Variants in PPP4R3B observed in about 807,000 individuals in gnomAD.
PPP4R3B encodes protein phosphatase 4 regulatory subunit 3B.
A neutral mutation model predicts 95.4 loss-of-function variants in PPP4R3B; 52 were observed. The ratio of observed to expected loss-of-function variants is 0.54; its 90% CI spans 0.44 to 0.69. The LOEUF (loss-of-function observed/expected upper bound fraction) is 0.69. Among genes scored for constraint, PPP4R3B ranks in the 30% least tolerant of loss-of-function variants. The probability of loss-of-function intolerance (pLI) is 0.00; values close to 1 mark genes in which losing one functional copy is unlikely to be tolerated. For synonymous variants in PPP4R3B, 407 were observed against 343.9 expected (o/e 1.18, Z -2.03); for missense variants, 1,003 against 1,005.9 (o/e 1.00, Z 0.04).
At chr2:55,558,717 A>G in intron 16 of PPP4R3B, 58 bp downstream of exon 16, 1 of 1,306,308 alleles carries the variant, frequency 7.7e-7, no homozygotes, top group South Asian at 1.9e-5. Context: ...TTCAGTAAAC[A>G]TGAAAAAATC....
At chr2:55,574,816 G>C (rs776996366) in intron 11 of PPP4R3B, among the ~76,000 whole-genome samples, 1 of 151,342 alleles carries the variant, frequency 6.6e-6, no homozygotes, top group Non-Finnish European at 1.5e-5. Context: ...GGATGGTCTC[G>C]ATCTCCTGAC....
At chr2:55,611,056 C>T (rs1209963295) in intron 2 of PPP4R3B, among the ~76,000 whole-genome samples, 1 of 152,060 alleles carries the variant, frequency 6.6e-6, no homozygotes, top group Non-Finnish European at 1.5e-5. Context: ...CAGTGAGAGT[C>T]TCAGTATGTT....
chr2:55,585,347 T>C (rs1015504581), intron 6 of PPP4R3B, among the ~76,000 whole-genome samples, 180 bp from the exon 7 acceptor site: 1 of 152,218 alleles, frequency 6.6e-6, no homozygotes, highest in Non-Finnish European at 1.5e-5. Flanking sequence ...TATTAAAACT[T>C]TCAGGCAATT....
intron 10 of PPP4R3B, 29 bp downstream of exon 10, chr2:55,578,218 A>T (rs1267841297): frequency 1.5e-6 from 2 of 1,368,298 alleles, no homozygotes; most frequent in Non-Finnish European, 1.9e-6. Context: ...AAGTAAATAT[A>T]GGAGTGATAC....
At chr2:55,559,218 T>C (rs891466551) in intron 15 of PPP4R3B, among the ~76,000 whole-genome samples, 22 of 151,784 alleles carry the variant, frequency 1.4e-4, no homozygotes, top group African/African-American at 4.6e-4. Context: ...TGGTGGCGCA[T>C]GTCTATAATC....
intron 4 of PPP4R3B, among the ~76,000 whole-genome samples, chr2:55,597,239 C>G (rs1005455663): frequency 2.0e-5 from 3 of 152,128 alleles, no homozygotes; most frequent in Non-Finnish European, 4.4e-5. Context: ...GTAATCCAAG[C>G]ACTTTGGGAG....
At position 55,568,262 on chromosome 2, in the gene PPP4R3B, G is replaced by T; in HGVS notation, c.1867C>A (p.Leu623Met). Residue 623 changes from leucine (L) to methionine (M), a missense_variant, in exon 13 of 17, where the codon CTG (leucine) becomes ATG (methionine). Transcript: ENST00000616407. Reference protein sequence around the residue: ...NLFEPVINALLDNGTRYNLLN... With the variant: ...NLFEPVINALMDNGTRYNLLN... ...AGATTATACCGAGTTCCATTATCCA[G>T]AAGTGCATTTATAACTGGCTCAAAA... The T allele has an allele frequency of 6.2e-7, 1 of 1,610,538 alleles. No individual in the cohort carries two copies. Among genetic ancestry groups the T allele is most frequent in the Non-Finnish European group, 8.5e-7 (1 of 1,178,316 alleles).
Position 55,548,314 on chromosome 2 carries a change from A to C in PPP4R3B, c.*1597T>G, listed in dbSNP as rs1364193797. The C allele has an allele frequency of 1.3e-5, 2 of 152,666 alleles. No individual in the cohort carries two copies. Among genetic ancestry groups the C allele is most frequent in the South Asian group, 2.1e-4 (1 of 4,830 alleles). 9.5% of individuals were successfully genotyped at this position (152,666 alleles called of 1,614,324 possible). A position where few individuals can be genotyped will look rare whatever the true frequency, so the allele number is the denominator to read the frequency against. On this transcript the variant is annotated 3_prime_UTR_variant, in exon 17 of 17. Coordinates refer to ENST00000616407, the MANE Select transcript of PPP4R3B (RefSeq NM_001122964.3). Reference sequence around the variant, plus strand: ...TATTGGCTTTTAAAAGATACTGTAAAATTGACATATCTCAAAATGGAGTTA... The same window carrying C: ...TATTGGCTTTTAAAAGATACTGTAACATTGACATATCTCAAAATGGAGTTA...
intron 5 of PPP4R3B, among the ~76,000 whole-genome samples, chr2:55,587,187 T>C (rs1366455463): frequency 1.3e-5 from 2 of 152,270 alleles, no homozygotes; most frequent in Non-Finnish European, 2.9e-5. Flanking sequence ...TGGATTTGCC[T>C]ATTGGTCTAT....
intron 4 of PPP4R3B, among the ~76,000 whole-genome samples, chr2:55,595,804 C>A (rs1424845243): frequency 1.3e-5 from 2 of 151,430 alleles, no homozygotes; most frequent in African/African-American, 4.9e-5. Context: ...CTCATAAATG[C>A]CTGTAAGAGG....
In PPP4R3B at chr2:55,558,702, T is replaced by C. The variant is rs1009730618; in HGVS notation, c.2454+73A>G. 6.6e-6 allele frequency: 8 copies of C among 1,211,518 alleles called. No individual in the cohort carries two copies. In the East Asian group the frequency reaches 1.3e-4, roughly 19 times the overall value. The allele number at this position is 1,211,518 out of a possible 1,614,324, so 75.0% of individuals were successfully genotyped here. On this transcript the variant is annotated intron_variant, in intron 16 of 16. Coordinates refer to ENST00000616407, the MANE Select transcript of PPP4R3B (RefSeq NM_001122964.3). ...ATTGAAATTGTTTTGATTATCCAAA[T>C]TTTTTTCAGTAAACATGAAAAAATC... is the stretch of plus-strand genomic sequence containing the variant.
chr2:55,598,722 A>G lies in PPP4R3B; in HGVS notation c.615T>C (p.Asn205=). The G allele has an allele frequency of 6.2e-7, 1 of 1,614,248 alleles. No individual in the cohort carries two copies. Among genetic ancestry groups the G allele is most frequent in the Non-Finnish European group, 8.5e-7 (1 of 1,180,048 alleles). Residue 205 remains asparagine (N), a synonymous_variant, in exon 4 of 17, where the codon AAT becomes AAC. Transcript: ENST00000616407. ...YEIIRGILFL[N]KATLFEVMFS... is the part of the protein sequence containing the mutation. The stretch of plus-strand genomic sequence containing the variant: ...ACATTACCTCAAAAAGAGTTGCCTT[A>G]TTTAGGAATAAGATTCCTCTAATAA...
In PPP4R3B at chr2:55,549,786, T is replaced by C. The variant is rs564100138; in HGVS notation, c.*125A>G. The C allele has an allele frequency of 2.3e-5, 17 of 739,458 alleles. No individual in the cohort carries two copies. Among genetic ancestry groups the C allele is most frequent in the Non-Finnish European group, 2.1e-5 (9 of 429,172 alleles). 45.8% of individuals were successfully genotyped at this position (739,458 alleles called of 1,614,324 possible). The stretch of plus-strand genomic sequence containing the variant: ...AACTAAACTCTCTTAGCTGATATAC[T>C]GTCTTTTGCTACTCCTTGTATATTT... On this transcript the variant is annotated 3_prime_UTR_variant, in exon 17 of 17. Coordinates refer to ENST00000616407, the MANE Select transcript of PPP4R3B (RefSeq NM_001122964.3).
At chr2:55,608,984 C>A (rs1407260302) in intron 2 of PPP4R3B, among the ~76,000 whole-genome samples, 1 of 152,076 alleles carries the variant, frequency 6.6e-6, no homozygotes, top group South Asian at 2.1e-4. Context: ...AAACCACCGC[C>A]CTGCCTCCAA....
chr2:55,602,950 G>A (rs1036513033), intron 3 of PPP4R3B, among the ~76,000 whole-genome samples: 5 of 151,706 alleles, frequency 3.3e-5, no homozygotes, highest in African/African-American at 1.2e-4. Context: ...AAATTTCTAG[G>A]ACGAATACTC....
chr2:55,548,321 A>G lies in PPP4R3B; in HGVS notation c.*1590T>C, dbSNP rs1429778596. The G allele has an allele frequency of 2.0e-5, 3 of 152,650 alleles. No individual in the cohort carries two copies. Among genetic ancestry groups the G allele is most frequent in the Admixed American group, 1.3e-4 (2 of 15,282 alleles). 9.5% of individuals were successfully genotyped at this position (152,650 alleles called of 1,614,324 possible). ...TTTTAAAAGATACTGTAAAATTGAC[A>G]TATCTCAAAATGGAGTTAATTTATA... On this transcript the variant is annotated 3_prime_UTR_variant, in exon 17 of 17. Transcript: ENST00000616407.
intron 15 of PPP4R3B, 90 bp downstream of exon 15, chr2:55,564,223 G>C (rs1037946050): frequency 8.3e-7 from 1 of 1,200,540 alleles, no homozygotes; most frequent in Admixed American, 3.4e-5. Flanking sequence ...TTCTTGCTTT[G>C]TAAACTATAA....
At chr2:55,557,063 A>AACAACG (rs1685938022) in intron 16 of PPP4R3B, among the ~76,000 whole-genome samples, 1 of 146,414 alleles carries the variant, frequency 6.8e-6, no homozygotes, top group Admixed American at 6.9e-5. Flanking sequence ...ACTCTGTAAC[A>AACAACG]ACAACGACGA....
chr2:55,608,110 T>C (rs193061943), intron 2 of PPP4R3B, among the ~76,000 whole-genome samples: 208 of 152,344 alleles, frequency 1.4e-3, no homozygotes, highest in Admixed American at 2.5e-3. Context: ...GTTCAAGTGA[T>C]TCTCCTGCCT....
Sources: gnomAD v4.1 joint callset for allele counts (sites outside exome capture counted in the v4.1 genomes callset) on GRCh38, gnomAD v4.1.1 for gene constraint, MANE v1.5 for transcripts, NCBI Gene and HGNC (gene_info 2026-07-23, HGNC 2026-07-21) for gene names.